Variants in SSTR3 observed in about 807,000 individuals in gnomAD.
SSTR3 encodes the protein somatostatin receptor 3.
For missense variants in SSTR3, 504 were observed against 604.7 expected (o/e 0.83, Z 1.75); for synonymous variants, 281 against 269.2 (o/e 1.04, Z -0.43).
chr22:37,220,013 C>G, the SSTR3 span, among the ~76,000 whole-genome samples: 1 of 152,206 alleles, frequency 6.6e-6, no homozygotes, highest in African/African-American at 2.4e-5. Context: ...CCAGGACTCA[C>G]TAGGGCCTTA....
At chr22:37,209,493 C>T (rs1194697682) in intron 1 of SSTR3, among the ~76,000 whole-genome samples, 1 of 152,230 alleles carries the variant, frequency 6.6e-6, no homozygotes, top group Non-Finnish European at 1.5e-5. Flanking sequence ...CATCAGGTCT[C>T]CTGAGCCTGG....
chr22:37,214,807 G>A (rs539687381), upstream of SSTR3, among the ~76,000 whole-genome samples: 11 of 152,206 alleles, frequency 7.2e-5, no homozygotes, highest in South Asian at 2.1e-4. Flanking sequence ...TCCCGACCGC[G>A]GCCTAGGGAC....
upstream of SSTR3, among the ~76,000 whole-genome samples, chr22:37,214,858 C>G (rs1926371392): frequency 6.6e-6 from 1 of 152,140 alleles, no homozygotes; most frequent in African/African-American, 2.4e-5. Flanking sequence ...GCCACTCGGC[C>G]CTCTTCTCGT....
the SSTR3 span, among the ~76,000 whole-genome samples, chr22:37,218,365 G>C: frequency 6.6e-6 from 1 of 152,046 alleles, no homozygotes; most frequent in Non-Finnish European, 1.5e-5. Context: ...AGACCAGCCT[G>C]ACCAACGTGG....
Position 37,207,468 on chromosome 22 carries a change from G to C in SSTR3, c.336C>G (p.Gly112=). The change falls in exon 2 of 2, where the codon GGC becomes GGG. Residue 112 remains glycine, a synonymous_variant. Transcript: ENST00000610913. ...CCATGACCAGGCGGCACATGAGGGA[G>C]CCGAAGGGCCAGTAGGACAGGGCGT... The part of the protein sequence containing the change: ...AQNALSYWPF[G]SLMCRLVMAV... 1 of 1,613,684 alleles carries C rather than the reference G, an allele frequency of 6.2e-7. No homozygotes were observed. The highest frequency in any genetic ancestry group is 8.5e-7 in the Non-Finnish European group (1 of 1,180,004).
Position 37,212,127 on chromosome 22 carries a change from A to G in SSTR3, c.-339T>C. The G allele has an allele frequency of 1.0e-6, 1 of 984,824 alleles. No individual in the cohort carries two copies. Among genetic ancestry groups the G allele is most frequent in the Non-Finnish European group, 1.2e-6 (1 of 829,788 alleles). 61.0% of individuals were successfully genotyped at this position (984,824 alleles called of 1,614,324 possible). On this transcript the variant is annotated 5_prime_UTR_variant, in exon 1 of 2. Transcript: ENST00000610913. ...CAAGGATAGGGGGGAGAAGCTTCCC[A>G]GGGTGAGGAAGAGAAGAGGGGAGCA...
In SSTR3 at chr22:37,212,152, A is replaced by C; in HGVS notation, c.-364T>G. ...AGGGTGAGGAAGAGAAGAGGGGAGC[A>C]AGGGACACAGAAGCCAATAGAAATA... On this transcript the variant is annotated 5_prime_UTR_variant, in exon 1 of 2. Coordinates refer to ENST00000610913, the MANE Select transcript of SSTR3 (RefSeq NM_001051.5). 2.0e-6 allele frequency: 2 copies of C among 984,714 alleles called. No homozygotes were observed. Among genetic ancestry groups the C allele is most frequent in the South Asian group, 9.4e-5 (2 of 21,222 alleles). 61.0% of individuals were successfully genotyped at this position (984,714 alleles called of 1,614,324 possible).
chr22:37,214,597 T>A (rs1008655566), upstream of SSTR3, among the ~76,000 whole-genome samples: 10 of 152,170 alleles, frequency 6.6e-5, no homozygotes, highest in African/African-American at 2.4e-4. Flanking sequence ...GTCAGTTTAA[T>A]TCTTCAGCCC....
chr22:37,207,937 T>G (rs1205599050), intron 1 of SSTR3, 98 bp from the exon 2 acceptor site: 4 of 1,350,602 alleles, frequency 3.0e-6, no homozygotes, highest in African/African-American at 1.5e-5. Context: ...TGCACGCCCA[T>G]CCTCCCATCG....
upstream of SSTR3, among the ~76,000 whole-genome samples, chr22:37,216,661 A>C (rs1926460892): frequency 6.6e-6 from 1 of 152,226 alleles, no homozygotes; most frequent in Non-Finnish European, 1.5e-5. Context: ...TGCGCAGCTG[A>C]CATCCCGAGA....
the SSTR3 span, among the ~76,000 whole-genome samples, chr22:37,218,650 G>A: frequency 2.4e-3 from 312 of 129,040 alleles, 1 homozygote; most frequent in African/African-American, 7.9e-3. Context: ...TATTTGCAAG[G>A]CATCATCGAA....
At chr22:37,209,221 T>G (rs1366378598) in intron 1 of SSTR3, among the ~76,000 whole-genome samples, 1 of 152,184 alleles carries the variant, frequency 6.6e-6, no homozygotes, top group East Asian at 1.9e-4. Flanking sequence ...GCAAAGCTCC[T>G]GGGAAGGGAA....
In SSTR3 at chr22:37,206,942, C is replaced by T. The variant is rs1055168952; in HGVS notation, c.862G>A (p.Glu288Lys). The T allele has an allele frequency of 8.1e-6, 13 of 1,613,322 alleles. No individual in the cohort carries two copies. The highest frequency in any genetic ancestry group is 4.0e-5 in the African/African-American group (3 of 74,952). The part of the protein sequence containing the change: ...IVNVVCPLPE[E>K]PAFFGLYFLV... ...AAGTAGAGCCCAAAGAAGGCAGGCT[C>T]CTCGGGCAGTGGGCACACCACGTTG... Residue 288 changes from glutamate to lysine, a missense_variant, in exon 2 of 2, where the codon GAG becomes AAG. Transcript: ENST00000610913.
rs1925911968 is a variant in SSTR3, at chr22:37,207,565, T to C, written c.239A>G (p.Asn80Ser). ...LRHTASPSVTNVYILNLALAD... is the reference protein window; with the variant it reads ...LRHTASPSVTSVYILNLALAD... ...CAGCGCCAGGTTGAGGATGTAGACG[T>C]TGGTGACTGAAGGGCTGGCCGTGTG... The change falls in exon 2 of 2, where the codon AAC becomes AGC. Residue 80 changes from asparagine (N) to serine (S), a missense_variant. Asn to Ser is a conservative substitution (Grantham distance 46). Coordinates refer to ENST00000610913, the MANE Select transcript of SSTR3 (RefSeq NM_001051.5). 3.1e-6 allele frequency: 5 copies of C among 1,613,480 alleles called. No individual in the cohort carries two copies. The highest frequency in any genetic ancestry group is 4.5e-5 in the East Asian group (2 of 44,884).
At chr22:37,215,826 TG>T, upstream of SSTR3, 1 of 291,598 alleles carries the variant, frequency 3.4e-6, no homozygotes, top group Non-Finnish European at 7.4e-6. Flanking sequence ...CACTGGGGAA[TG>T]GGACAATTTT....
rs376459859 is a variant in SSTR3 at position 37,212,111 on chromosome 22, G to C, written c.-323C>G. 1.6e-5 allele frequency: 16 copies of C among 985,282 alleles called. No homozygotes were observed. The highest frequency in any genetic ancestry group is 1.1e-4 in the East Asian group (1 of 8,808). 61.0% of individuals were successfully genotyped at this position (985,282 alleles called of 1,614,324 possible). A position where few individuals can be genotyped will look rare whatever the true frequency, so the allele number is the denominator to read the frequency against. On this transcript the variant is annotated 5_prime_UTR_variant, in exon 1 of 2. Coordinates refer to ENST00000610913, the MANE Select transcript of SSTR3 (RefSeq NM_001051.5). ...CCTGGGGGGGCAGGGGCAAGGATAG[G>C]GGGGAGAAGCTTCCCAGGGTGAGGA...
At chr22:37,215,834 T>G (rs1010210379), upstream of SSTR3, 1 of 290,442 alleles carries the variant, frequency 3.4e-6, no homozygotes, top group African/African-American at 2.2e-5. Flanking sequence ...AATGGGACAA[T>G]TTTGCTTTTG....
upstream of SSTR3, among the ~76,000 whole-genome samples, chr22:37,215,373 C>T (rs1926394593): frequency 6.6e-6 from 1 of 152,176 alleles, no homozygotes; most frequent in African/African-American, 2.4e-5. Flanking sequence ...TGAGCCACCT[C>T]GCCCAGCCTG....
At chr22:37,210,258 C>T (rs766354123) in intron 1 of SSTR3, among the ~76,000 whole-genome samples, 1 of 152,220 alleles carries the variant, frequency 6.6e-6, no homozygotes, top group Non-Finnish European at 1.5e-5. Context: ...TGGGGTAGCC[C>T]GCTGGGGGTA....
Sources: gnomAD v4.1 joint callset for allele counts (sites outside exome capture counted in the v4.1 genomes callset) on GRCh38, gnomAD v4.1.1 for gene constraint, MANE v1.5 for transcripts, NCBI Gene and HGNC (gene_info 2026-07-23, HGNC 2026-07-21) for gene names.